GFRA1: variants seen among roughly 807,000 people sequenced by gnomAD.
The protein encoded by GFRA1 is GDNF family receptor alpha-1.
GFRA1 carries 16 observed loss-of-function variants against 51.6 expected under a neutral mutation model. The ratio of observed to expected loss-of-function variants is 0.31; its 90% CI spans 0.21 to 0.47. The LOEUF (loss-of-function observed/expected upper bound fraction) is 0.47. Ranked by LOEUF, GFRA1 falls within the 20% of genes least tolerant of loss-of-function variation. GFRA1 has a pLI of 1.00. For synonymous variants in GFRA1, 270 were observed against 241.3 expected (o/e 1.12, Z -1.10); for missense variants, 530 against 594.3 (o/e 0.89, Z 1.13).
chr10:116,096,816 A>G (rs747616270), intron 6 of GFRA1, 52 bp from the exon 7 acceptor site: 9 of 951,602 alleles, frequency 9.5e-6, no homozygotes, highest in Admixed American at 1.9e-5. Flanking sequence ...AAAACATCCT[A>G]AGCCTCCGGA....
chr10:116,069,235 G>A (rs776342865), intron 9 of GFRA1, among the ~76,000 whole-genome samples: 3 of 152,108 alleles, frequency 2.0e-5, no homozygotes, highest in African/African-American at 4.8e-5. Flanking sequence ...AAATCAATTC[G>A]AACTATTCTT....
intron 5 of GFRA1, among the ~76,000 whole-genome samples, chr10:116,133,745 C>T (rs1159565088): frequency 6.6e-6 from 1 of 152,244 alleles, no homozygotes; most frequent in East Asian, 1.9e-4. Context: ...CGGTCTGCGG[C>T]TCCAAAGGAG....
intron 5 of GFRA1, among the ~76,000 whole-genome samples, chr10:116,207,893 C>A (rs996211999): frequency 3.9e-5 from 6 of 152,056 alleles, no homozygotes; most frequent in African/African-American, 1.4e-4. Flanking sequence ...TCTTGAAGCA[C>A]GGCAGTTAGA....
chr10:116,180,007 A>G (rs900236483), intron 5 of GFRA1, among the ~76,000 whole-genome samples: 2 of 152,204 alleles, frequency 1.3e-5, no homozygotes, highest in Non-Finnish European at 2.9e-5. Flanking sequence ...TGTTTCCCAC[A>G]CTGAGAATTT....
chr10:116,131,458 T>A (rs1265716941), intron 5 of GFRA1, among the ~76,000 whole-genome samples: 1 of 152,154 alleles, frequency 6.6e-6, no homozygotes, highest in African/African-American at 2.4e-5. Flanking sequence ...TGAACAAGAA[T>A]ATTATACCAG....
At chr10:116,175,927 T>G (rs187660332) in intron 5 of GFRA1, among the ~76,000 whole-genome samples, 19 of 152,130 alleles carry the variant, frequency 1.2e-4, no homozygotes, top group Non-Finnish European at 2.8e-4. Flanking sequence ...TCCCAGCTGG[T>G]TACCAAATGA....
chr10:116,169,773 C>A (rs1245371432), intron 5 of GFRA1, among the ~76,000 whole-genome samples: 1 of 152,202 alleles, frequency 6.6e-6, no homozygotes, highest in African/African-American at 2.4e-5. Flanking sequence ...CATGTGACCT[C>A]ATTCCTCTTG....
intron 4 of GFRA1, among the ~76,000 whole-genome samples, chr10:116,232,420 T>C (rs1053837228): frequency 6.6e-6 from 1 of 152,168 alleles, no homozygotes; most frequent in Non-Finnish European, 1.5e-5. Flanking sequence ...TATCGAGGCA[T>C]TGTGTTTACA....
chr10:116,169,923 G>A (rs1310496493), intron 5 of GFRA1, among the ~76,000 whole-genome samples: 1 of 152,152 alleles, frequency 6.6e-6, no homozygotes, highest in African/African-American at 2.4e-5. Flanking sequence ...GGGCTCCAGA[G>A]GTTGCTGGCA....
chr10:116,258,621 T>C (rs1302883160), intron 4 of GFRA1, among the ~76,000 whole-genome samples: 4 of 152,042 alleles, frequency 2.6e-5, no homozygotes, highest in African/African-American at 7.2e-5. Flanking sequence ...CCATGCATGT[T>C]ACATACATGC....
At chr10:116,076,383 T>G (rs950003402) in intron 9 of GFRA1, among the ~76,000 whole-genome samples, 2 of 151,992 alleles carry the variant, frequency 1.3e-5, no homozygotes, top group African/African-American at 4.8e-5. Context: ...AGAAACACCC[T>G]GGAGCCAAGC....
chr10:116,233,364 T>G (rs1316383867), intron 4 of GFRA1, among the ~76,000 whole-genome samples: 1 of 152,074 alleles, frequency 6.6e-6, no homozygotes, highest in African/African-American at 2.4e-5. Context: ...GTTAATCAGC[T>G]TTCGGAGTAC....
At chr10:116,083,328 G>A (rs2133844168) in intron 9 of GFRA1, among the ~76,000 whole-genome samples, 1 of 152,268 alleles carries the variant, frequency 6.6e-6, no homozygotes, top group South Asian at 2.1e-4. Context: ...TATCTTCCCA[G>A]GCCTCCTCTC....
intron 5 of GFRA1, among the ~76,000 whole-genome samples, chr10:116,193,002 T>C (rs1483075225): frequency 6.6e-6 from 1 of 151,952 alleles, no homozygotes; most frequent in East Asian, 1.9e-4. Context: ...CCTCCATCTC[T>C]CCCAGGCCCC....
At chr10:116,248,899 C>T (rs1014901172) in intron 4 of GFRA1, among the ~76,000 whole-genome samples, 3 of 152,170 alleles carry the variant, frequency 2.0e-5, no homozygotes, top group African/African-American at 7.2e-5. Flanking sequence ...CCTGCAATTC[C>T]TGCCACGGTG....
rs533736045 is a variant in GFRA1 at position 116,199,046 on chromosome 10, A to G, written c.433+12585T>C. Among the ~76,000 whole-genome samples, 372 of 152,278 alleles carry G rather than the reference A, an allele frequency of 2.4e-3. 1 individual carries two copies. Among genetic ancestry groups the G allele is most frequent in the African/African-American group, 8.4e-3 (351 of 41,552 alleles). On this transcript the variant is annotated intron_variant, in intron 5 of 10. Transcript: ENST00000355422. ...GGCCAGGGAATACTACGGGCTGCTG[A>G]GAATCCCCAGTAGCTGGAAGCGGCC... is the stretch of plus-strand genomic sequence containing the variant.
chr10:116,237,706 T>G (rs1967002132), intron 4 of GFRA1, among the ~76,000 whole-genome samples: 1 of 151,976 alleles, frequency 6.6e-6, no homozygotes, highest in Non-Finnish European at 1.5e-5. Flanking sequence ...TAGAACAAAG[T>G]TTTCAGCCAT....
At chr10:116,205,862 G>A (rs112090704) in intron 5 of GFRA1, among the ~76,000 whole-genome samples, 109 of 149,636 alleles carry the variant, frequency 7.3e-4, no homozygotes, top group African/African-American at 2.6e-3. Context: ...CACAGCCCCC[G>A]TAGAATGTGA....
At chr10:116,138,092 C>G (rs969742474) in intron 5 of GFRA1, among the ~76,000 whole-genome samples, 4 of 152,138 alleles carry the variant, frequency 2.6e-5, no homozygotes, top group African/African-American at 9.7e-5. Flanking sequence ...TGAGTCACCG[C>G]GCCCGGCCTG....
Sources: gnomAD v4.1 joint callset for allele counts (sites outside exome capture counted in the v4.1 genomes callset) on GRCh38, gnomAD v4.1.1 for gene constraint, MANE v1.5 for transcripts, NCBI Gene and HGNC (gene_info 2026-07-23, HGNC 2026-07-21) for gene names.